SIK3: variants seen among roughly 807,000 people sequenced by gnomAD.
SIK3 encodes serine/threonine-protein kinase SIK3.
SIK3 carries 28 observed loss-of-function variants against 144.2 expected under a neutral mutation model. The ratio of observed to expected loss-of-function variants is 0.19; its 90% confidence interval spans 0.14 to 0.27. The LOEUF is 0.27. Ranked by LOEUF, SIK3 falls within the 10% of genes least tolerant of loss-of-function variation. The probability of loss-of-function intolerance (pLI) is 1.00; values close to 1 mark genes in which losing one functional copy is unlikely to be tolerated. For missense variants in SIK3, 1,319 were observed against 1,776.0 expected (o/e 0.74, Z 4.62); for synonymous variants, 686 against 676.3 (o/e 1.01, Z -0.22).
intron 3 of SIK3, among the ~76,000 whole-genome samples, chr11:116,928,542 C>G (rs1026929219): frequency 6.6e-6 from 1 of 152,196 alleles, no homozygotes; most frequent in African/African-American, 2.4e-5. Context: ...CACTCCCTCA[C>G]AGGACCAGTC....
rs371996473 is a variant in SIK3 at position 116,942,250 on chromosome 11, A to T, written c.454+11794T>A. 9.1e-4 allele frequency among the ~76,000 whole-genome samples: 138 copies of T among 152,354 alleles called. No individual in the cohort carries two copies. The Middle Eastern group carries it at 0.014, about 15-fold the overall frequency. Reference sequence around the variant, plus strand: ...ACTGAGTGCCTACTATATGTTAGACACTACATTAAACAAGGAAGACACAGA... The same window carrying T: ...ACTGAGTGCCTACTATATGTTAGACTCTACATTAAACAAGGAAGACACAGA... On this transcript the variant is annotated intron_variant, in intron 3 of 24. Coordinates refer to ENST00000445177, the MANE Select transcript of SIK3 (RefSeq NM_001366686.3).
chr11:116,952,925 T>C (rs1339782438), intron 3 of SIK3, among the ~76,000 whole-genome samples: 2 of 152,202 alleles, frequency 1.3e-5, no homozygotes, highest in Non-Finnish European at 1.5e-5. Flanking sequence ...TCCCATACTA[T>C]ATTGAGTATA....
intron 4 of SIK3, among the ~76,000 whole-genome samples, chr11:116,917,016 G>C (rs1159110723): frequency 6.6e-6 from 1 of 151,996 alleles, no homozygotes; most frequent in Admixed American, 6.5e-5. Context: ...GAGCAATGGT[G>C]TAATCATAGC....
At chr11:116,855,524 C>T (rs1031590459) in intron 21 of SIK3, 1 of 152,206 alleles carries the variant, frequency 6.6e-6, no homozygotes, top group African/African-American at 2.4e-5. Context: ...ACACAAGTCA[C>T]ACAGGAAGGA....
At chr11:117,063,354 C>G (rs935437523) in intron 1 of SIK3, among the ~76,000 whole-genome samples, 1 of 152,142 alleles carries the variant, frequency 6.6e-6, no homozygotes, top group African/African-American at 2.4e-5. Flanking sequence ...AATACCTTTT[C>G]TCATAGCTGT....
rs924007234 is a variant in SIK3, at chr11:116,849,021, A to T, written c.3819+99T>A. 3.0e-6 allele frequency: 4 copies of T among 1,332,382 alleles called. No homozygotes were observed. Among genetic ancestry groups the T allele is most frequent in the Middle Eastern group, 2.8e-4 (1 of 3,548 alleles). The allele number at this position is 1,332,382 out of a possible 1,614,324, so 82.5% of individuals were successfully genotyped here. ...TTCCAGAAAGGCTGAATGCTGACTG[A>T]GGAGAGCGGCCAAGAGAGGCTACCC... On this transcript the variant is annotated intron_variant, in intron 22 of 24. Coordinates refer to ENST00000445177, the MANE Select transcript of SIK3 (RefSeq NM_001366686.3). The surrounding 1 kb of genome is among the most constrained non-coding windows in gnomAD (Gnocchi z 4.2).
intron 1 of SIK3, among the ~76,000 whole-genome samples, chr11:117,088,210 C>T (rs1366381316): frequency 6.6e-6 from 1 of 152,062 alleles, no homozygotes; most frequent in Non-Finnish European, 1.5e-5. Context: ...GCACTCCAGC[C>T]TTAGGTGACA....
At position 116,905,075 on chromosome 11, in the gene SIK3, C is replaced by G. The variant is rs1030031215; in HGVS notation, c.617-7758G>C. 9 of 164,630 alleles carry G rather than the reference C, an allele frequency of 5.5e-5. No homozygotes were observed. In the Admixed American group the frequency reaches 5.9e-4, roughly 11 times the overall value. The allele number at this position is 164,630 out of a possible 1,614,324, so 10.2% of individuals were successfully genotyped here. On this transcript the variant is annotated intron_variant, in intron 4 of 24. Transcript: ENST00000445177. Reference sequence around the variant, plus strand: ...CATTTTCATCACCCCAAAAAGAAACCCTGTGCTAATTAGGAGTTACTCCCC... The same window carrying G: ...CATTTTCATCACCCCAAAAAGAAACGCTGTGCTAATTAGGAGTTACTCCCC...
intron 1 of SIK3, among the ~76,000 whole-genome samples, chr11:117,086,599 G>A (rs1410759929): frequency 1.3e-5 from 2 of 152,020 alleles, no homozygotes; most frequent in East Asian, 1.9e-4. Context: ...GCTGAGGCAG[G>A]AGAATCTCTT....
intron 3 of SIK3, among the ~76,000 whole-genome samples, chr11:116,937,582 C>A (rs1591370106): frequency 6.6e-6 from 1 of 152,260 alleles, no homozygotes; most frequent in South Asian, 2.1e-4. Flanking sequence ...CACAAGTCTC[C>A]TTATTATTTG....
chr11:117,034,681 G>A (rs187627782), intron 1 of SIK3, among the ~76,000 whole-genome samples: 1 of 152,280 alleles, frequency 6.6e-6, no homozygotes, highest in Admixed American at 6.5e-5. Context: ...GAAGATGCCA[G>A]CACGATTCCA....
intron 1 of SIK3, among the ~76,000 whole-genome samples, chr11:117,037,758 G>GA (rs1952575883): frequency 6.6e-6 from 1 of 151,160 alleles, no homozygotes; most frequent in African/African-American, 2.5e-5. Flanking sequence ...TTCCAAGGCA[G>GA]AAAAAAAGAG....
chr11:117,077,162 C>T (rs1344389916), intron 1 of SIK3, among the ~76,000 whole-genome samples: 3 of 152,086 alleles, frequency 2.0e-5, no homozygotes, highest in African/African-American at 7.2e-5. Context: ...TGTCTCTAAA[C>T]AAAACCAAAA....
At chr11:116,986,546 C>A (rs1266941078) in intron 1 of SIK3, among the ~76,000 whole-genome samples, 2 of 152,188 alleles carry the variant, frequency 1.3e-5, no homozygotes, top group African/African-American at 4.8e-5. Context: ...TTGAGCTTAA[C>A]AGAGAAAACA....
At chr11:116,931,338 T>G (rs1947592680) in intron 3 of SIK3, among the ~76,000 whole-genome samples, 1 of 152,210 alleles carries the variant, frequency 6.6e-6, no homozygotes, top group Non-Finnish European at 1.5e-5. Flanking sequence ...TTCTGACCTT[T>G]CAAAGAGCAA....
intron 20 of SIK3, 111 bp downstream of exon 20, chr11:116,859,154 A>G: frequency 1.0e-6 from 1 of 990,616 alleles, no homozygotes; most frequent in East Asian, 2.6e-5. Context: ...AAACAAGAGC[A>G]CAGCCTAGTC....
At chr11:116,905,493 T>G (rs1237515198) in intron 4 of SIK3, among the ~76,000 whole-genome samples, 1 of 152,242 alleles carries the variant, frequency 6.6e-6, no homozygotes, top group East Asian at 1.9e-4. Flanking sequence ...CTGGGTCATA[T>G]GGTAACTCTG....
intron 1 of SIK3, among the ~76,000 whole-genome samples, chr11:116,986,839 G>C (rs550513714): frequency 6.6e-6 from 1 of 152,104 alleles, no homozygotes; most frequent in Non-Finnish European, 1.5e-5. Context: ...TCCTCTTCAT[G>C]TTCAACATCC....
intron 1 of SIK3, among the ~76,000 whole-genome samples, chr11:117,068,451 T>C (rs1196246404): frequency 6.6e-6 from 1 of 152,168 alleles, no homozygotes; most frequent in Non-Finnish European, 1.5e-5. Flanking sequence ...ACTGGCCTAA[T>C]AAAAAATGTC....
Sources: gnomAD v4.1 joint callset for allele counts (sites outside exome capture counted in the v4.1 genomes callset) on GRCh38, gnomAD v4.1.1 for gene constraint, Gnocchi (gnomAD v3.1) non-coding constraint, MANE v1.5 for transcripts, NCBI Gene and HGNC (gene_info 2026-07-23, HGNC 2026-07-21) for gene names.